Variants in STXBP6 observed in about 807,000 individuals in gnomAD.
STXBP6 encodes the protein syntaxin-binding protein 6.
A neutral mutation model predicts 26.9 loss-of-function variants in STXBP6; 21 were observed. The ratio of observed to expected loss-of-function variants is 0.78; its 90% CI spans 0.55 to 1.12. STXBP6 has a LOEUF of 1.12. Ranked by LOEUF, STXBP6 falls within the 50% of genes most tolerant of loss-of-function variation. STXBP6 has a pLI of 0.00. For missense variants in STXBP6, 232 were observed against 257.9 expected, an observed-to-expected ratio of 0.90 and a Z score of 0.69; for synonymous variants, 97 against 92.6, an observed-to-expected ratio of 1.05 and a Z score of -0.27.
At chr14:24,861,015 A>T (rs2139224662) in intron 2 of STXBP6, among the ~76,000 whole-genome samples, 1 of 152,280 alleles carries the variant, frequency 6.6e-6, no homozygotes, top group Non-Finnish European at 1.5e-5. Context: ...ATTACTTCAT[A>T]ACTTTATGTG....
At chr14:25,028,036 G>A (rs1425299122) in intron 1 of STXBP6, among the ~76,000 whole-genome samples, 1 of 152,218 alleles carries the variant, frequency 6.6e-6, no homozygotes, top group Non-Finnish European at 1.5e-5. Flanking sequence ...GGTTCATGAG[G>A]TTTAAGAAGC....
intron 1 of STXBP6, among the ~76,000 whole-genome samples, chr14:25,006,545 T>C (rs1175026912): frequency 6.6e-6 from 1 of 152,144 alleles, no homozygotes; most frequent in Admixed American, 6.5e-5. Context: ...AAGGGAAGAA[T>C]CTGATATTAG....
At chr14:24,818,636 G>A (rs767028525) in intron 5 of STXBP6, among the ~76,000 whole-genome samples, 3 of 152,184 alleles carry the variant, frequency 2.0e-5, no homozygotes, top group Non-Finnish European at 4.4e-5. Flanking sequence ...GGGACAGGAT[G>A]GAAAAGCAAG....
At chr14:24,856,671 G>C (rs141071598) in intron 3 of STXBP6, among the ~76,000 whole-genome samples, 1 of 150,984 alleles carries the variant, frequency 6.6e-6, no homozygotes, top group African/African-American at 2.4e-5. Context: ...AATACACCTT[G>C]TCATTAGTGC....
chr14:24,857,044 C>T lies in STXBP6; in HGVS notation c.268G>A (p.Gly90Ser). ...WMLEQLRQVN[G>S]IDPNGDSAEF... is the part of the protein sequence containing the mutation. ...TCACTCACCCCATTAGGATCGATACCATTAACCTGGCGAAGCTGCTCGAGC... is the reference window on the plus strand; with the variant it reads ...TCACTCACCCCATTAGGATCGATACTATTAACCTGGCGAAGCTGCTCGAGC... The change falls in exon 3 of 6, where the codon GGT (glycine) becomes AGT (serine). Residue 90 changes from glycine to serine, a missense_variant. Gly to Ser is a moderately conservative substitution (Grantham distance 56). Transcript: ENST00000323944. 1 of 1,612,862 alleles carries T rather than the reference C, an allele frequency of 6.2e-7. No homozygotes were observed. Among genetic ancestry groups the T allele is most frequent in the Non-Finnish European group, 8.5e-7 (1 of 1,179,132 alleles).
At chr14:25,036,516 G>A (rs1205969522) in intron 1 of STXBP6, among the ~76,000 whole-genome samples, 1 of 152,030 alleles carries the variant, frequency 6.6e-6, no homozygotes, top group Non-Finnish European at 1.5e-5. Flanking sequence ...TGGGTCTTGG[G>A]GAAAACTAAT....
chr14:24,965,151 C>A (rs1482209406), intron 2 of STXBP6, among the ~76,000 whole-genome samples: 1 of 151,454 alleles, frequency 6.6e-6, no homozygotes, highest in East Asian at 2.0e-4. Flanking sequence ...GTCAGAATGA[C>A]CTTGAGATTC....
At chr14:24,957,580 C>T (rs1445329000) in intron 2 of STXBP6, among the ~76,000 whole-genome samples, 1 of 152,182 alleles carries the variant, frequency 6.6e-6, no homozygotes, top group Non-Finnish European at 1.5e-5. Flanking sequence ...CTTTCAAATG[C>T]TAGATGTGAA....
intron 1 of STXBP6, among the ~76,000 whole-genome samples, chr14:25,011,606 A>T (rs1016720704): frequency 6.6e-6 from 1 of 152,198 alleles, no homozygotes; most frequent in Non-Finnish European, 1.5e-5. Flanking sequence ...AGCCCCAGAG[A>T]CTACAAAATC....
intron 3 of STXBP6, 55 bp from the exon 4 acceptor site, chr14:24,856,156 T>C: frequency 1.3e-6 from 2 of 1,492,898 alleles, no homozygotes; most frequent in Non-Finnish European, 1.8e-6. Flanking sequence ...CTGCTGTTTC[T>C]AGATTACTCC....
intron 2 of STXBP6, among the ~76,000 whole-genome samples, chr14:24,904,552 C>T (rs1407218298): frequency 1.3e-5 from 2 of 152,062 alleles, no homozygotes; most frequent in African/African-American, 4.8e-5. Context: ...CCAATGTGAC[C>T]GCATTTGGAG....
chr14:24,860,286 AC>A (rs1173477644), intron 2 of STXBP6, among the ~76,000 whole-genome samples: 1 of 152,208 alleles, frequency 6.6e-6, no homozygotes, highest in East Asian at 1.9e-4. Context: ...CCAGCCAATA[AC>A]AAAGACCATG....
intron 2 of STXBP6, among the ~76,000 whole-genome samples, chr14:24,967,896 G>A (rs1486307138): frequency 6.6e-6 from 1 of 152,018 alleles, no homozygotes; most frequent in Non-Finnish European, 1.5e-5. Flanking sequence ...GAAGAAATGA[G>A]GTGCTGTGGC....
rs549949307 is a variant in STXBP6 at position 25,027,268 on chromosome 14, A to G, written c.-33+22610T>C. 5.9e-5 allele frequency among the ~76,000 whole-genome samples: 9 copies of G among 152,312 alleles called. 1 individual carries two copies. In the South Asian group the frequency reaches 1.9e-3, roughly 32 times the overall value. ...AGTCTATCAGCGGCATCTTTCCAAC[A>G]GCATGTGCCCACTCCATGTCTCTGG... On this transcript the variant is annotated intron_variant, in intron 1 of 5. Coordinates refer to ENST00000323944, the MANE Select transcript of STXBP6 (RefSeq NM_001394410.1).
rs778765155 is a variant in STXBP6 at position 24,812,684 on chromosome 14, A to T, written c.*25T>A. The T allele has an allele frequency of 6.2e-7, 1 of 1,612,646 alleles. No homozygotes were observed. The highest frequency in any genetic ancestry group is 1.1e-5 in the South Asian group (1 of 91,026). ...AACAAACTCTTCAGTTTCTCTTAAG[A>T]AGAGTCACCAGGATAGGCAGTTTCT... On this transcript the variant is annotated 3_prime_UTR_variant, in exon 6 of 6. Transcript: ENST00000323944.
intron 1 of STXBP6, among the ~76,000 whole-genome samples, chr14:25,001,799 A>G (rs1350704705): frequency 1.3e-5 from 2 of 152,216 alleles, no homozygotes; most frequent in African/African-American, 4.8e-5. Flanking sequence ...CACATGGGAC[A>G]TGTTTACAGG....
At chr14:24,982,918 ACATAGGATATGT>A (rs1298567453) in intron 1 of STXBP6, among the ~76,000 whole-genome samples, 1 of 152,234 alleles carries the variant, frequency 6.6e-6, no homozygotes, top group African/African-American at 2.4e-5. Context: ...AACAAAAGCT[ACATAGGATATGT>A]CATTTGGAGG....
At chr14:25,002,828 G>A (rs1256172359) in intron 1 of STXBP6, among the ~76,000 whole-genome samples, 1 of 151,948 alleles carries the variant, frequency 6.6e-6, no homozygotes, top group Non-Finnish European at 1.5e-5. Context: ...GCAGGTTCAA[G>A]TGATTCTCCT....
At chr14:25,008,268 T>C (rs2074949636) in intron 1 of STXBP6, among the ~76,000 whole-genome samples, 1 of 152,092 alleles carries the variant, frequency 6.6e-6, no homozygotes, top group African/African-American at 2.4e-5. Context: ...CTGTGGGAGA[T>C]GAAGGTGGGA....
Sources: gnomAD v4.1 joint callset for allele counts (sites outside exome capture counted in the v4.1 genomes callset) on GRCh38, gnomAD v4.1.1 for gene constraint, MANE v1.5 for transcripts, NCBI Gene and HGNC (gene_info 2026-07-23, HGNC 2026-07-21) for gene names.